Variants in GCNT2 observed in about 807,000 individuals in gnomAD.
The protein encoded by GCNT2 is glucosaminyl (N-acetyl) transferase 2 (I blood group), also known as N-acetyllactosaminide beta-1,6-N-acetylglucosaminyl-transferase.
A neutral mutation model predicts 34.2 loss-of-function variants in GCNT2; 34 were observed. The observed-to-expected ratio is 1.00, with a 90% CI of 0.76 to 1.32. The LOEUF is 1.32. GCNT2 is among the 40% of genes most tolerant of loss of function. The probability of loss-of-function intolerance (pLI) is 0.00; values close to 1 mark genes in which losing one functional copy is unlikely to be tolerated. For synonymous variants in GCNT2, 212 were observed against 188.0 expected, an observed-to-expected ratio of 1.13 and a Z score of -1.04; for missense variants, 584 against 489.4, an observed-to-expected ratio of 1.19 and a Z score of -1.82.
rs530413037 is a variant in GCNT2 at position 10,542,938 on chromosome 6, A to T, written c.925+13102A>T. 1.5e-4 allele frequency among the ~76,000 whole-genome samples: 15 copies of T among 102,884 alleles called. No individual in the cohort carries two copies. The South Asian group carries it at 3.0e-3, about 21-fold the overall frequency. 67.5% of individuals were successfully genotyped at this position (102,884 alleles called of 152,430 possible). On this transcript the variant is annotated intron_variant, in intron 3 of 4. Transcript: ENST00000495262. The stretch of plus-strand genomic sequence containing the variant: ...TTTTTTAATTTTGAGACGGAGTTTC[A>T]CTCTTGTTGCCCAGGCTGGAGTGCA...
chr6:10,589,044 A>T (rs1307211811), intron 3 of GCNT2, among the ~76,000 whole-genome samples: 2 of 76,828 alleles, frequency 2.6e-5, no homozygotes, highest in Non-Finnish European at 2.6e-5. Context: ...TGGTATGTGT[A>T]TGGTGTGTGT....
chr6:10,605,190 T>C lies in GCNT2; in HGVS notation c.926-16161T>C, dbSNP rs1427296757. 2.7e-5 allele frequency among the ~76,000 whole-genome samples: 4 copies of C among 148,510 alleles called. No homozygotes were observed. In the Admixed American group the frequency reaches 2.7e-4, roughly 10 times the overall value. The stretch of plus-strand genomic sequence containing the variant: ...ACAGGTGTTCTCAACCTTAACCACA[T>C]ATTGCTTTCATGTAGGAATTTTTTT... On this transcript the variant is annotated intron_variant, in intron 3 of 4. Coordinates refer to ENST00000495262, the MANE Select transcript of GCNT2 (RefSeq NM_145649.5).
rs138379400 is a variant in GCNT2, at chr6:10,582,177, T to G, written c.926-39174T>G. Among the ~76,000 whole-genome samples, 1,065 of 132,910 alleles carry G rather than the reference T, an allele frequency of 8.0e-3. 31 individuals carry two copies. The highest frequency in any genetic ancestry group is 0.039 in the Admixed American group (461 of 11,708). 87.2% of individuals were successfully genotyped at this position (132,910 alleles called of 152,430 possible). A position where few individuals can be genotyped will look rare whatever the true frequency, so the allele number is the denominator to read the frequency against. Reference sequence around the variant, plus strand: ...ATGTATGTGTATAAAATATTTTATATAAAATATATTTTTATATAATATATA... The same window carrying G: ...ATGTATGTGTATAAAATATTTTATAGAAAATATATTTTTATATAATATATA... On this transcript the variant is annotated intron_variant, in intron 3 of 4. Transcript: ENST00000495262.
intron 3 of GCNT2, among the ~76,000 whole-genome samples, chr6:10,571,791 G>A (rs760359628): frequency 6.6e-6 from 1 of 152,198 alleles, no homozygotes; most frequent in Non-Finnish European, 1.5e-5. Context: ...GCCATCCCAT[G>A]AATATTAATC....
intron 3 of GCNT2, among the ~76,000 whole-genome samples, chr6:10,607,039 C>T (rs769728465): frequency 3.3e-5 from 5 of 152,002 alleles, no homozygotes; most frequent in Non-Finnish European, 5.9e-5. Context: ...CACCGCCTTC[C>T]GGGTTCAAGC....
Position 10,627,876 on chromosome 6 carries a change from G to A in GCNT2, c.*1269G>A, listed in dbSNP as rs1430444579. The A allele has an allele frequency of 6.6e-6, 1 of 152,358 alleles. No individual in the cohort carries two copies. The highest frequency in any genetic ancestry group is 1.5e-5 in the Non-Finnish European group (1 of 68,034). The allele number at this position is 152,358 out of a possible 1,614,324, so 9.4% of individuals were successfully genotyped here. On this transcript the variant is annotated 3_prime_UTR_variant, in exon 5 of 5. Coordinates refer to ENST00000495262, the MANE Select transcript of GCNT2 (RefSeq NM_145649.5). Reference sequence around the variant, plus strand: ...AATCAGAGATTATTCAACAGAGAGGGAGAAAGGAGGAGACAGAGGGAGGAC... The same window carrying A: ...AATCAGAGATTATTCAACAGAGAGGAAGAAAGGAGGAGACAGAGGGAGGAC...
intron 3 of GCNT2, among the ~76,000 whole-genome samples, chr6:10,596,262 A>G (rs1436342611): frequency 6.6e-6 from 1 of 152,118 alleles, no homozygotes; most frequent in Non-Finnish European, 1.5e-5. Context: ...AGTGACTCAC[A>G]CCTGTAATCC....
intron 3 of GCNT2, among the ~76,000 whole-genome samples, chr6:10,601,283 A>G (rs1438042942): frequency 6.6e-6 from 1 of 152,190 alleles, no homozygotes; most frequent in East Asian, 1.9e-4. Flanking sequence ...TAATTATGTA[A>G]TTAAACTTGT....
chr6:10,556,841 CA>C, intron 3 of GCNT2: 1 of 1,614,184 alleles, frequency 6.2e-7, no homozygotes, highest in Non-Finnish European at 8.5e-7. Flanking sequence ...TGCGGTAGAG[CA>C]ACTATTAAGC....
intron 3 of GCNT2, among the ~76,000 whole-genome samples, chr6:10,554,261 A>C (rs575935178): frequency 2.4e-4 from 36 of 152,328 alleles, no homozygotes; most frequent in African/African-American, 8.7e-4. Flanking sequence ...TTAATACCAG[A>C]ATCTGAGAGT....
intron 3 of GCNT2, chr6:10,586,266 G>A: frequency 1.9e-6 from 3 of 1,614,162 alleles, no homozygotes; most frequent in Non-Finnish European, 2.5e-6. Context: ...GGAAGAAGAG[G>A]CTGCATTCCC....
rs70991026 is a variant in GCNT2, at chr6:10,563,777, AAT to A, written c.925+33972_925+33973del. 8.0e-3 allele frequency among the ~76,000 whole-genome samples: 197 copies of A among 24,682 alleles called. 1 individual carries two copies. In the Middle Eastern group the frequency reaches 0.094, roughly 12 times the overall value. 16.2% of individuals were successfully genotyped at this position (24,682 alleles called of 152,430 possible). On this transcript the variant is annotated intron_variant, in intron 3 of 4. Transcript: ENST00000495262. ...AAAAGAAAAAAAAAAAAAAAAAAAA[AAT>A]ATATATATATATATATATATATATA...
At chr6:10,546,736 TTTTA>T (rs757854426) in intron 3 of GCNT2, among the ~76,000 whole-genome samples, 27 of 152,092 alleles carry the variant, frequency 1.8e-4, no homozygotes, top group Admixed American at 3.3e-4. Flanking sequence ...CAACCTTTTA[TTTTA>T]TTTATTATAT....
At chr6:10,611,803 A>C (rs1765568816) in intron 3 of GCNT2, among the ~76,000 whole-genome samples, 1 of 152,222 alleles carries the variant, frequency 6.6e-6, no homozygotes, top group South Asian at 2.1e-4. Context: ...TGAAGCAAAT[A>C]AAGCTTAGAT....
At chr6:10,606,636 TAAAG>T (rs1765325120) in intron 3 of GCNT2, among the ~76,000 whole-genome samples, 1 of 140,184 alleles carries the variant, frequency 7.1e-6, no homozygotes, top group Admixed American at 7.2e-5. Flanking sequence ...AAATTTCCAT[TAAAG>T]AAATTTAATG....
intron 3 of GCNT2, among the ~76,000 whole-genome samples, chr6:10,574,227 G>A (rs1336548817): frequency 6.6e-6 from 1 of 152,140 alleles, no homozygotes; most frequent in East Asian, 1.9e-4. Flanking sequence ...GACTGGCCAA[G>A]AGAAGCTTGT....
At position 10,566,266 on chromosome 6, in the gene GCNT2, G is replaced by A. The variant is rs988058833; in HGVS notation, c.925+36430G>A. 3.3e-5 allele frequency among the ~76,000 whole-genome samples: 5 copies of A among 151,342 alleles called. No homozygotes were observed. The East Asian group carries it at 5.8e-4, about 18-fold the overall frequency. On this transcript the variant is annotated intron_variant, in intron 3 of 4. Transcript: ENST00000495262. ...TCACTCATCTGGACTCCCGTACAAC[G>A]TTGTACTATTATTGGTCTTTTTATT...
At chr6:10,545,028 T>G (rs1290945184) in intron 3 of GCNT2, among the ~76,000 whole-genome samples, 1 of 152,232 alleles carries the variant, frequency 6.6e-6, no homozygotes, top group Non-Finnish European at 1.5e-5. Flanking sequence ...CAATTTAATT[T>G]AATCCTAATA....
chr6:10,601,496 T>C (rs1765084395), intron 3 of GCNT2, among the ~76,000 whole-genome samples: 1 of 152,198 alleles, frequency 6.6e-6, no homozygotes, highest in African/African-American at 2.4e-5. Context: ...CGCCCCAGTA[T>C]GGTTTCTTAT....
Sources: gnomAD v4.1 joint callset for allele counts (sites outside exome capture counted in the v4.1 genomes callset) on GRCh38, gnomAD v4.1.1 for gene constraint, MANE v1.5 for transcripts, NCBI Gene and HGNC (gene_info 2026-07-23, HGNC 2026-07-21) for gene names.